Variants in ACCSL observed in about 807,000 individuals in gnomAD.
The protein encoded by ACCSL is probable inactive 1-aminocyclopropane-1-carboxylate synthase-like protein 2.
In ACCSL, 55 loss-of-function variants were observed where a neutral mutation model predicts 61.7. The observed-to-expected ratio is 0.89, with a 90% CI of 0.72 to 1.12. The LOEUF is 1.12. Among genes scored for constraint, ACCSL ranks in the 50% most tolerant of loss-of-function variants. The pLI is 0.00. For synonymous variants in ACCSL, 258 were observed against 264.3 expected, an observed-to-expected ratio of 0.98 and a Z score of 0.23; for missense variants, 632 against 698.0, an observed-to-expected ratio of 0.91 and a Z score of 1.07.
chr11:44,052,727 G>T lies in ACCSL; in HGVS notation c.838G>T (p.Val280Phe). 6.2e-7 allele frequency: 1 copy of T among 1,614,084 alleles called. No homozygotes were observed. The highest frequency in any genetic ancestry group is 8.5e-7 in the Non-Finnish European group (1 of 1,180,014). The change falls in exon 6 of 14, where the codon GTT becomes TTT. Residue 280 changes from valine to phenylalanine, a missense_variant. Val to Phe is a conservative substitution (Grantham distance 50). Transcript: ENST00000378832. ...FAFSSRLYAK[V>F]ELIPVHLESE... ...CTTTAGCTCCCGCCTGTATGCAAAG[G>T]TTGAGTTGATTCCTGTCCACCTGGA...
the ACCSL span, among the ~76,000 whole-genome samples, chr11:43,956,797 T>G: frequency 6.6e-6 from 1 of 152,190 alleles, no homozygotes; most frequent in South Asian, 2.1e-4. Context: ...TGAGGTTTAT[T>G]GAGCCAGCTT....
At chr11:43,978,847 T>G in the ACCSL span, among the ~76,000 whole-genome samples, 4 of 147,384 alleles carry the variant, frequency 2.7e-5, no homozygotes, top group Non-Finnish European at 4.5e-5. Context: ...CCTCTCCCAG[T>G]TCTGTGTTCT....
upstream of ACCSL, chr11:44,047,958 C>T (rs1952609674): frequency 6.6e-7 from 1 of 1,516,084 alleles, no homozygotes; most frequent in South Asian, 1.3e-5. Context: ...CCAGGAGATC[C>T]TCCTTTGCTC....
chr11:43,930,021 A>G, the ACCSL span, among the ~76,000 whole-genome samples: 3 of 152,292 alleles, frequency 2.0e-5, no homozygotes, highest in African/African-American at 7.2e-5. Flanking sequence ...GTTGGTGGGA[A>G]GAGGAAACGC....
chr11:44,033,603 G>A, the ACCSL span, among the ~76,000 whole-genome samples: 164 of 152,174 alleles, frequency 1.1e-3, 2 homozygotes, highest in South Asian at 0.03. Flanking sequence ...GGGGCCCCTC[G>A]GATTTGAAAT....
the ACCSL span, among the ~76,000 whole-genome samples, chr11:43,994,599 G>A: frequency 0.58 from 87,481 of 151,768 alleles, 26,299 homozygotes; most frequent in African/African-American, 0.76. Flanking sequence ...TTTCATTTTG[G>A]GAGGTAAAAG....
chr11:43,956,698 T>C, the ACCSL span, among the ~76,000 whole-genome samples: 2 of 152,144 alleles, frequency 1.3e-5, no homozygotes, highest in Non-Finnish European at 2.9e-5. Context: ...GGATTACAGG[T>C]GTGAGCCACT....
chr11:43,932,361 G>A, the ACCSL span, among the ~76,000 whole-genome samples: 12 of 152,074 alleles, frequency 7.9e-5, no homozygotes, highest in Non-Finnish European at 1.2e-4. Context: ...TCCGCCTCCC[G>A]GGTTCAAGCA....
the ACCSL span, among the ~76,000 whole-genome samples, chr11:44,014,423 G>A: frequency 1.3e-5 from 2 of 151,770 alleles, no homozygotes; most frequent in Non-Finnish European, 1.5e-5. Context: ...GCTGCCTGAG[G>A]GTCATCATGA....
the ACCSL span, among the ~76,000 whole-genome samples, chr11:44,026,994 C>T: frequency 2.6e-5 from 4 of 152,216 alleles, no homozygotes; most frequent in Admixed American, 2.0e-4. Context: ...TCCCAAAGTG[C>T]TGGGATTACA....
chr11:43,973,329 G>T, the ACCSL span, among the ~76,000 whole-genome samples: 1 of 152,158 alleles, frequency 6.6e-6, no homozygotes, highest in East Asian at 1.9e-4. Context: ...TAGTTTTAGT[G>T]TGAGTGTTCT....
In ACCSL at chr11:44,050,971, A is replaced by G. The variant is rs559144638; in HGVS notation, c.635+349A>G. Among the ~76,000 whole-genome samples the G allele has an allele frequency of 3.0e-3, 460 of 151,426 alleles. 1 individual carries two copies. The highest frequency in any genetic ancestry group is 4.9e-3 in the Non-Finnish European group (332 of 67,958). The stretch of plus-strand genomic sequence containing the variant: ...ATTCTCCTGCCTCAGCCTCCCGAGT[A>G]GCTGGGACTACAGGTGCCCGCCACC... On this transcript the variant is annotated intron_variant, in intron 3 of 13. Coordinates refer to ENST00000378832, the MANE Select transcript of ACCSL (RefSeq NM_001031854.2).
At chr11:43,928,711 G>A in the ACCSL span, among the ~76,000 whole-genome samples, 3 of 152,324 alleles carry the variant, frequency 2.0e-5, no homozygotes, top group Non-Finnish European at 2.9e-5. Flanking sequence ...GCTCAGAGTG[G>A]CCAGGAAAGG....
the ACCSL span, among the ~76,000 whole-genome samples, chr11:44,002,492 T>C: frequency 6.6e-6 from 1 of 152,144 alleles, no homozygotes; most frequent in African/African-American, 2.4e-5. Context: ...TGTTTTTAAG[T>C]CGTCTTGACA....
chr11:44,038,125 G>T, the ACCSL span, among the ~76,000 whole-genome samples: 5 of 152,154 alleles, frequency 3.3e-5, no homozygotes, highest in Non-Finnish European at 7.3e-5. Context: ...CTATAAAAAT[G>T]AAAGGTGGGA....
chr11:44,032,117 A>G, the ACCSL span, among the ~76,000 whole-genome samples: 2 of 152,200 alleles, frequency 1.3e-5, no homozygotes, highest in African/African-American at 2.4e-5. Flanking sequence ...ATTTCTCACA[A>G]TTCTGTTGCT....
At chr11:43,928,456 C>T in the ACCSL span, among the ~76,000 whole-genome samples, 2 of 152,164 alleles carry the variant, frequency 1.3e-5, no homozygotes, top group African/African-American at 4.8e-5. Flanking sequence ...ACCTCCATGA[C>T]CACAGTCAGA....
At chr11:43,930,077 C>G in the ACCSL span, among the ~76,000 whole-genome samples, 2 of 152,154 alleles carry the variant, frequency 1.3e-5, no homozygotes, top group African/African-American at 4.8e-5. Context: ...AAGGCACTCC[C>G]GAGAGTGTCT....
the ACCSL span, among the ~76,000 whole-genome samples, chr11:43,965,862 C>A: frequency 7.2e-5 from 11 of 152,178 alleles, no homozygotes; most frequent in African/African-American, 2.7e-4. Context: ...AAACTGGTTT[C>A]TTCAACAAAT....
Sources: gnomAD v4.1 joint callset for allele counts (sites outside exome capture counted in the v4.1 genomes callset) on GRCh38, gnomAD v4.1.1 for gene constraint, MANE v1.5 for transcripts, NCBI Gene and HGNC (gene_info 2026-07-23, HGNC 2026-07-21) for gene names.